The following SH3GL2 variants were observed in gnomAD, a reference collection of about 807,000 sequenced individuals.
SH3GL2 encodes SH3 domain containing GRB2 like 2, endophilin A1.
A neutral mutation model predicts 46.0 loss-of-function variants in SH3GL2; 24 were observed. The ratio of observed to expected loss-of-function variants is 0.52; its 90% CI spans 0.38 to 0.73. SH3GL2 has a LOEUF of 0.73. Among genes scored for constraint, SH3GL2 ranks in the 30% least tolerant of loss-of-function variants. SH3GL2 has a pLI of 0.00. For synonymous variants in SH3GL2, 196 were observed against 147.1 expected, an observed-to-expected ratio of 1.33 and a Z score of -2.40; for missense variants, 413 against 424.2, an observed-to-expected ratio of 0.97 and a Z score of 0.23.
intron 1 of SH3GL2, among the ~76,000 whole-genome samples, chr9:17,610,991 TTTC>T (rs1818853527): frequency 6.6e-6 from 1 of 152,328 alleles, no homozygotes; most frequent in South Asian, 2.1e-4. Context: ...AAAACCCTTA[TTTC>T]TTCTTAGTGA....
intron 1 of SH3GL2, among the ~76,000 whole-genome samples, chr9:17,728,563 G>A (rs1305628359): frequency 6.6e-6 from 1 of 152,096 alleles, no homozygotes; most frequent in Middle Eastern, 3.2e-3. Context: ...TGCCATGGTG[G>A]TCTGCTGCAC....
At chr9:17,763,374 G>A (rs1476614358) in intron 3 of SH3GL2, among the ~76,000 whole-genome samples, 7 of 152,170 alleles carry the variant, frequency 4.6e-5, no homozygotes, top group Non-Finnish European at 8.8e-5. Context: ...AGTGATGTAG[G>A]ATCTTGAGAT....
intron 1 of SH3GL2, among the ~76,000 whole-genome samples, chr9:17,695,966 C>T (rs1210636573): frequency 2.0e-5 from 3 of 152,054 alleles, no homozygotes; most frequent in East Asian, 1.9e-4. Flanking sequence ...GGGAGAAAAA[C>T]AGCAGACCAA....
intron 1 of SH3GL2, among the ~76,000 whole-genome samples, chr9:17,633,488 C>T (rs1279293572): frequency 2.6e-5 from 4 of 152,098 alleles, no homozygotes; most frequent in South Asian, 4.1e-4. Context: ...TTTTGCATAT[C>T]GTCAAAATAA....
At chr9:17,751,062 T>C (rs1014011068) in intron 2 of SH3GL2, among the ~76,000 whole-genome samples, 1 of 152,206 alleles carries the variant, frequency 6.6e-6, no homozygotes, top group African/African-American at 2.4e-5. Flanking sequence ...CTGAGGAATA[T>C]AGTATCTGTT....
chr9:17,697,605 C>T (rs1399848407), intron 1 of SH3GL2, among the ~76,000 whole-genome samples: 1 of 152,142 alleles, frequency 6.6e-6, no homozygotes, highest in Non-Finnish European at 1.5e-5. Context: ...GAATGCAAAG[C>T]AACATGTTTA....
intron 1 of SH3GL2, among the ~76,000 whole-genome samples, chr9:17,671,939 T>G (rs1820485062): frequency 6.6e-6 from 1 of 152,206 alleles, no homozygotes; most frequent in African/African-American, 2.4e-5. Flanking sequence ...CAACAAAGAT[T>G]GTACTCATAC....
At chr9:17,757,410 T>C (rs982156034) in intron 2 of SH3GL2, among the ~76,000 whole-genome samples, 1 of 152,188 alleles carries the variant, frequency 6.6e-6, no homozygotes, top group Non-Finnish European at 1.5e-5. Flanking sequence ...AATCTATTCA[T>C]CTGACAAAGA....
Position 17,775,811 on chromosome 9 carries a change from C to G in SH3GL2, c.188-10570C>G, listed in dbSNP as rs894991286. ...CAACAGTCAGAACATAAAGATGTGACTTGGAGTACTGTGGCCACCTGTTCT... is the reference window on the plus strand; with the variant it reads ...CAACAGTCAGAACATAAAGATGTGAGTTGGAGTACTGTGGCCACCTGTTCT... On this transcript the variant is annotated intron_variant, in intron 3 of 8. Coordinates refer to ENST00000380607, the MANE Select transcript of SH3GL2 (RefSeq NM_003026.5). Among the ~76,000 whole-genome samples the G allele has an allele frequency of 1.6e-4, 25 of 152,254 alleles. No homozygotes were observed. In the Middle Eastern group the frequency reaches 0.01, roughly 62 times the overall value.
intron 1 of SH3GL2, chr9:17,735,598 A>T (rs574888271): frequency 6.4e-6 from 1 of 156,056 alleles, no homozygotes; most frequent in Non-Finnish European, 1.4e-5. Context: ...AACTTTTTGT[A>T]TATGTGGGTT....
intron 2 of SH3GL2, among the ~76,000 whole-genome samples, chr9:17,751,216 G>C (rs1288383434): frequency 1.3e-5 from 2 of 152,178 alleles, no homozygotes; most frequent in Non-Finnish European, 2.9e-5. Flanking sequence ...GCAAGTTGTT[G>C]AGAAAGAATG....
chr9:17,650,071 A>T (rs1385558825), intron 1 of SH3GL2, among the ~76,000 whole-genome samples: 2 of 152,222 alleles, frequency 1.3e-5, no homozygotes, highest in African/African-American at 4.8e-5. Context: ...TGGAGAGAGT[A>T]GAGTTGAGAT....
chr9:17,756,831 G>A (rs1823007401), intron 2 of SH3GL2, among the ~76,000 whole-genome samples: 2 of 152,148 alleles, frequency 1.3e-5, no homozygotes, highest in African/African-American at 4.8e-5. Context: ...AATCCTTTGG[G>A]TATATACCCA....
At position 17,668,964 on chromosome 9, in the gene SH3GL2, AT is replaced by A. The variant is rs546356259; in HGVS notation, c.46-78099del. 4.1e-3 allele frequency among the ~76,000 whole-genome samples: 621 copies of A among 152,326 alleles called. 3 individuals carry two copies. The highest frequency in any genetic ancestry group is 6.5e-3 in the Non-Finnish European group (442 of 68,032). The stretch of plus-strand genomic sequence containing the variant: ...TGAGTCACCATGCCTGGCCAGAATC[AT>A]TTATTAAAAATCCATTTCACTCAGT... On this transcript the variant is annotated intron_variant, in intron 1 of 8. Transcript: ENST00000380607.
At chr9:17,598,047 G>C (rs565086413) in intron 1 of SH3GL2, among the ~76,000 whole-genome samples, 2 of 152,158 alleles carry the variant, frequency 1.3e-5, no homozygotes, top group Non-Finnish European at 2.9e-5. Context: ...ATTTGTCACA[G>C]GTGCAGCAAA....
intron 3 of SH3GL2, among the ~76,000 whole-genome samples, chr9:17,775,887 GATTCTCTT>G (rs1823628840): frequency 6.6e-6 from 1 of 152,104 alleles, no homozygotes; most frequent in African/African-American, 2.4e-5. Context: ...GTGGGGGTTG[GATTCTCTT>G]CTTCCCTGTT....
intron 1 of SH3GL2, among the ~76,000 whole-genome samples, chr9:17,721,952 C>T (rs542968785): frequency 6.6e-6 from 1 of 152,198 alleles, no homozygotes; most frequent in African/African-American, 2.4e-5. Context: ...GTGGAGGTGT[C>T]CGCAGTGAGG....
chr9:17,659,295 C>T (rs1820158691), intron 1 of SH3GL2, among the ~76,000 whole-genome samples: 1 of 152,128 alleles, frequency 6.6e-6, no homozygotes, highest in African/African-American at 2.4e-5. Context: ...TGTCTGTGTT[C>T]CTGGGAGAAC....
chr9:17,677,279 A>G, intron 1 of SH3GL2, among the ~76,000 whole-genome samples: 1 of 152,116 alleles, frequency 6.6e-6, no homozygotes, highest in African/African-American at 2.4e-5. Flanking sequence ...TCACTGTATA[A>G]TCTTGTTTGT....
Sources: gnomAD v4.1 joint callset for allele counts (sites outside exome capture counted in the v4.1 genomes callset) on GRCh38, gnomAD v4.1.1 for gene constraint, MANE v1.5 for transcripts, NCBI Gene and HGNC (gene_info 2026-07-23, HGNC 2026-07-21) for gene names.